Variants in NRG3 observed in about 807,000 individuals in gnomAD.
The protein encoded by NRG3 is neuregulin 3, also known as pro-neuregulin-3, membrane-bound isoform.
In NRG3, 31 loss-of-function variants were observed where a neutral mutation model predicts 66.9. The ratio of observed to expected loss-of-function variants is 0.46; its 90% CI spans 0.35 to 0.63. The LOEUF is 0.63. Ranked by LOEUF, NRG3 falls within the 20% of genes least tolerant of loss-of-function variation. The pLI, the probability that NRG3 is intolerant of heterozygous loss-of-function variation, is 0.00. For synonymous variants in NRG3, 393 were observed against 359.4 expected (o/e 1.09, Z -1.06); for missense variants, 910 against 878.9 (o/e 1.04, Z -0.45).
At chr10:82,514,586 GTTGT>G (rs1258603484) in intron 2 of NRG3, among the ~76,000 whole-genome samples, 2 of 151,744 alleles carry the variant, frequency 1.3e-5, no homozygotes, top group East Asian at 1.9e-4. Flanking sequence ...TTTTTTGTTT[GTTGT>G]TTGTTTGTTT....
At chr10:82,451,818 C>T (rs1407339573) in intron 2 of NRG3, among the ~76,000 whole-genome samples, 1 of 152,074 alleles carries the variant, frequency 6.6e-6, no homozygotes, top group Non-Finnish European at 1.5e-5. Flanking sequence ...GGCAAAAAGA[C>T]CATGTGAATT....
At chr10:82,217,977 C>T (rs1403024690) in intron 1 of NRG3, among the ~76,000 whole-genome samples, 1 of 151,910 alleles carries the variant, frequency 6.6e-6, no homozygotes, top group Non-Finnish European at 1.5e-5. Flanking sequence ...CAAATTTTCT[C>T]ATTTTCTTTT....
At chr10:82,465,920 C>G (rs1564953766) in intron 2 of NRG3, among the ~76,000 whole-genome samples, 1 of 152,124 alleles carries the variant, frequency 6.6e-6, no homozygotes, top group East Asian at 1.9e-4. Flanking sequence ...AGTAAATACT[C>G]AGGGAACAGT....
chr10:82,037,385 A>G (rs1481671618), intron 1 of NRG3, among the ~76,000 whole-genome samples: 3 of 152,186 alleles, frequency 2.0e-5, no homozygotes, highest in Non-Finnish European at 4.4e-5. Flanking sequence ...CACTAGGGCC[A>G]AAGGCAAGCT....
intron 2 of NRG3, among the ~76,000 whole-genome samples, chr10:82,428,711 CTGTT>C (rs2089604221): frequency 6.6e-6 from 1 of 151,822 alleles, no homozygotes; most frequent in South Asian, 2.1e-4. Flanking sequence ...TTATAGATGT[CTGTT>C]TAAGTCTGGA....
intron 1 of NRG3, among the ~76,000 whole-genome samples, chr10:82,312,344 T>G (rs2081071663): frequency 6.6e-6 from 1 of 152,122 alleles, no homozygotes; most frequent in Non-Finnish European, 1.5e-5. Flanking sequence ...AGCAAATAAC[T>G]TGAGAAAGTG....
intron 4 of NRG3, among the ~76,000 whole-genome samples, chr10:82,943,112 G>A (rs1564651068): frequency 6.6e-6 from 1 of 152,094 alleles, no homozygotes; most frequent in African/African-American, 2.4e-5. Context: ...GGTTCTTTTT[G>A]ACTTAATGCT....
chr10:82,780,594 C>T (rs2060085502), intron 3 of NRG3, among the ~76,000 whole-genome samples: 1 of 150,860 alleles, frequency 6.6e-6, no homozygotes, highest in Non-Finnish European at 1.5e-5. Flanking sequence ...ACTCTGGATC[C>T]TAGTTCAGTC....
At chr10:82,368,777 A>T (rs931676337) in intron 2 of NRG3, among the ~76,000 whole-genome samples, 1 of 138,998 alleles carries the variant, frequency 7.2e-6, no homozygotes, top group South Asian at 2.1e-4. Context: ...AAAATTAAGA[A>T]CATATCCATA....
chr10:82,731,039 T>C (rs948124308), intron 2 of NRG3, among the ~76,000 whole-genome samples: 2 of 152,150 alleles, frequency 1.3e-5, no homozygotes, highest in Non-Finnish European at 2.9e-5. Context: ...GTTTTGGTTT[T>C]GGCTTTTAAA....
chr10:82,733,938 T>C (rs1346508815), intron 2 of NRG3, among the ~76,000 whole-genome samples: 1 of 152,184 alleles, frequency 6.6e-6, no homozygotes, highest in Non-Finnish European at 1.5e-5. Flanking sequence ...TGTGGCCAGG[T>C]GGCCAGGATA....
rs1209084132 is a variant in NRG3, at chr10:82,309,359, A to C, written c.824-49380A>C. ...CTTCCAGGGGTGAAATTTGAAAGGA[A>C]AATATTTGTTCTGCCACTTGTAGTA... On this transcript the variant is annotated intron_variant, in intron 1 of 8. Transcript: ENST00000372141. 2.0e-5 allele frequency among the ~76,000 whole-genome samples: 3 copies of C among 152,302 alleles called. No individual in the cohort carries two copies. The East Asian group carries it at 5.8e-4, about 29-fold the overall frequency.
At chr10:82,632,498 A>G (rs553601295) in intron 2 of NRG3, among the ~76,000 whole-genome samples, 2 of 152,258 alleles carry the variant, frequency 1.3e-5, no homozygotes, top group South Asian at 2.1e-4. Context: ...GGATCAGCTC[A>G]AATATTCAAT....
chr10:82,320,214 G>A (rs1394075562), intron 1 of NRG3, among the ~76,000 whole-genome samples: 1 of 152,152 alleles, frequency 6.6e-6, no homozygotes, highest in Non-Finnish European at 1.5e-5. Flanking sequence ...TATGTTTACT[G>A]TAACCATATT....
intron 1 of NRG3, among the ~76,000 whole-genome samples, chr10:82,225,777 A>G (rs939112150): frequency 2.0e-5 from 3 of 152,174 alleles, no homozygotes; most frequent in Admixed American, 2.0e-4. Flanking sequence ...GTTAAAATAA[A>G]ATCACCAAGG....
intron 4 of NRG3, among the ~76,000 whole-genome samples, chr10:82,945,749 G>A (rs78867876): frequency 1.3e-5 from 2 of 152,060 alleles, no homozygotes; most frequent in African/African-American, 4.8e-5. Context: ...ACCTCATAAA[G>A]GCCCCACTTC....
chr10:82,440,182 G>A (rs1320086510), intron 2 of NRG3, among the ~76,000 whole-genome samples: 1 of 151,608 alleles, frequency 6.6e-6, no homozygotes, highest in Non-Finnish European at 1.5e-5. Context: ...ATGATTTTCT[G>A]TTGAAAATCA....
At chr10:82,847,756 G>A (rs375730597) in intron 3 of NRG3, among the ~76,000 whole-genome samples, 18 of 152,270 alleles carry the variant, frequency 1.2e-4, no homozygotes, top group East Asian at 3.9e-4. Flanking sequence ...TTCCCAGTGC[G>A]TAGTCCAGGG....
At chr10:82,114,840 A>C (rs1196297728) in intron 1 of NRG3, among the ~76,000 whole-genome samples, 1 of 152,114 alleles carries the variant, frequency 6.6e-6, no homozygotes, top group Non-Finnish European at 1.5e-5. Context: ...TCAAGGGCCA[A>C]GCCTGTTTCC....
Sources: gnomAD v4.1 joint callset for allele counts (sites outside exome capture counted in the v4.1 genomes callset) on GRCh38, gnomAD v4.1.1 for gene constraint, MANE v1.5 for transcripts, NCBI Gene and HGNC (gene_info 2026-07-23, HGNC 2026-07-21) for gene names.